FBXW12: variants seen among roughly 807,000 people sequenced by gnomAD.
FBXW12 encodes F-box/WD repeat-containing protein 12.
A neutral mutation model predicts 55.3 loss-of-function variants in FBXW12; 43 were observed. The ratio of observed to expected loss-of-function variants is 0.78; its 90% CI spans 0.61 to 1.00. FBXW12 has a LOEUF of 1.00. Ranked by LOEUF, FBXW12 falls within the 50% of genes least tolerant of loss-of-function variation. The pLI, the probability that FBXW12 is intolerant of heterozygous loss-of-function variation, is 0.00. For missense variants in FBXW12, 524 were observed against 560.5 expected, an observed-to-expected ratio of 0.93 and a Z score of 0.66; for synonymous variants, 184 against 203.8, an observed-to-expected ratio of 0.90 and a Z score of 0.83.
At chr3:48,372,888 A>G in intron 2 of FBXW12, 31 bp downstream of exon 2, 2 of 1,596,658 alleles carry the variant, frequency 1.3e-6, no homozygotes, top group Non-Finnish European at 1.7e-6. Context: ...ACTGCCCCCC[A>G]AGCCCGCTGC....
chr3:48,378,705 G>C (rs1353467662), intron 6 of FBXW12, among the ~76,000 whole-genome samples, 179 bp downstream of exon 6: 1 of 148,384 alleles, frequency 6.7e-6, no homozygotes. Flanking sequence ...ACCTCTGCCT[G>C]CTGGGTTCAA....
chr3:48,372,886 C>T (rs779200743), intron 2 of FBXW12, 29 bp downstream of exon 2: 1 of 1,599,416 alleles, frequency 6.3e-7, no homozygotes, highest in Non-Finnish European at 8.6e-7. Flanking sequence ...CCACTGCCCC[C>T]CAAGCCCGCT....
chr3:48,372,221 C>T lies in FBXW12; in HGVS notation c.-184C>T, dbSNP rs1285975461. On this transcript the variant is annotated 5_prime_UTR_variant, in exon 1 of 11. Coordinates refer to ENST00000296438, the MANE Select transcript of FBXW12 (RefSeq NM_207102.2). Reference sequence around the variant, plus strand: ...TGTGGAGAAGCCAGCTTGGCACGTTCTTTCTCCTCCACTGCAAAGTTAAAT... The same window carrying T: ...TGTGGAGAAGCCAGCTTGGCACGTTTTTTCTCCTCCACTGCAAAGTTAAAT... 5 of 1,539,456 alleles carry T rather than the reference C, an allele frequency of 3.2e-6. No individual in the cohort carries two copies. The highest frequency in any genetic ancestry group is 1.2e-5 in the South Asian group (1 of 83,802).
In FBXW12 at chr3:48,373,316, T is replaced by C; in HGVS notation, c.99T>C (p.Asn33=). The C allele has an allele frequency of 6.2e-7, 1 of 1,614,066 alleles. No individual in the cohort carries two copies. The highest frequency in any genetic ancestry group is 8.5e-7 in the Non-Finnish European group (1 of 1,180,010). Residue 33 remains asparagine, a synonymous_variant, in exon 3 of 11, where the codon AAT becomes AAC. Coordinates refer to ENST00000296438, the MANE Select transcript of FBXW12 (RefSeq NM_207102.2). The part of the protein sequence containing the change: ...LQVSQVNKHW[N]RIADSDYLWR... ...TCCTTTCTCTCCCATAGCATTGGAATAGGATTGCAGACAGTGATTACCTGT... is the reference window on the plus strand; with the variant it reads ...TCCTTTCTCTCCCATAGCATTGGAACAGGATTGCAGACAGTGATTACCTGT...
At position 48,382,042 on chromosome 3, in the gene FBXW12, T is replaced by G. The variant is rs2036784212; in HGVS notation, c.1252T>G (p.Cys418Gly). The change falls in exon 10 of 11, where the codon TGC (cysteine) becomes GGC (glycine). Residue 418 changes from cysteine to glycine, a missense_variant. Physicochemically the swap from Cys to Gly is radical, Grantham distance 159 (BLOSUM62 -3). Coordinates refer to ENST00000296438, the MANE Select transcript of FBXW12 (RefSeq NM_207102.2). Reference protein sequence around the residue: ...EGGRHPYLRSCCHLENTWHDH... With the variant: ...EGGRHPYLRSGCHLENTWHDH... ...AGGCCGCCATCCATACCTCAGGAGCTGCTGTCACCTGGAAAACACGTGGCA... is the reference window on the plus strand; with the variant it reads ...AGGCCGCCATCCATACCTCAGGAGCGGCTGTCACCTGGAAAACACGTGGCA... The G allele has an allele frequency of 6.2e-7, 1 of 1,614,078 alleles. No homozygotes were observed.
intron 1 of FBXW12, 120 bp downstream of exon 1, chr3:48,372,440 C>CA: frequency 7.8e-7 from 1 of 1,287,970 alleles, no homozygotes; most frequent in South Asian, 1.3e-5. Context: ...CTAAAGGGTT[C>CA]TGACAACTTC....
intron 7 of FBXW12, 81 bp downstream of exon 7, chr3:48,379,639 G>A: frequency 8.2e-7 from 1 of 1,217,890 alleles, no homozygotes; most frequent in Non-Finnish European, 1.2e-6. Flanking sequence ...AGAGCTCAGT[G>A]AGGACCAGGC....
At chr3:48,387,835 G>T (rs2036869028) in intron 10 of FBXW12, among the ~76,000 whole-genome samples, 1 of 152,140 alleles carries the variant, frequency 6.6e-6, no homozygotes, top group Non-Finnish European at 1.5e-5. Context: ...AAAGTTCTGG[G>T]ATTACAGGCA....
chr3:48,388,709 T>C (rs1362761105), intron 10 of FBXW12, among the ~76,000 whole-genome samples: 1 of 152,224 alleles, frequency 6.6e-6, no homozygotes, highest in East Asian at 1.9e-4. Flanking sequence ...ATTATGCTAA[T>C]CTGTCTTTTA....
At chr3:48,380,610 G>A in intron 7 of FBXW12, 92 bp from the exon 8 acceptor site, 1 of 917,436 alleles carries the variant, frequency 1.1e-6, no homozygotes, top group Non-Finnish European at 1.8e-6. Context: ...GCCACAAGAT[G>A]AGAATTTCTA....
chr3:48,379,477 A>G lies in FBXW12; in HGVS notation c.693A>G (p.Gln231=). ...LRDVSKVTAF[Q]YGIVLLHCSP... Reference sequence around the variant, plus strand: ...ATGTTTCTAAAGTTACTGCATTTCAATATGGTATTGTACTTCTACACTGCT... The same window carrying G: ...ATGTTTCTAAAGTTACTGCATTTCAGTATGGTATTGTACTTCTACACTGCT... The change falls in exon 7 of 11, where the codon CAA becomes CAG. Residue 231 remains glutamine, a synonymous_variant. Transcript: ENST00000296438. The G allele has an allele frequency of 5.0e-6, 8 of 1,613,964 alleles. No homozygotes were observed. The highest frequency in any genetic ancestry group is 6.8e-6 in the Non-Finnish European group (8 of 1,179,800).
intron 7 of FBXW12, 91 bp from the exon 8 acceptor site, chr3:48,380,611 A>T: frequency 2.2e-6 from 2 of 926,972 alleles, no homozygotes; most frequent in Non-Finnish European, 3.5e-6. Context: ...CCACAAGATG[A>T]GAATTTCTAA....
In FBXW12 at chr3:48,372,239, A is replaced by G. The variant is rs1008033584; in HGVS notation, c.-166A>G. On this transcript the variant is annotated 5_prime_UTR_variant, in exon 1 of 11. Transcript: ENST00000296438. ...GCACGTTCTTTCTCCTCCACTGCAA[A>G]GTTAAATGCGAGAAGGTAGAAACCC... 1.0e-5 allele frequency: 16 copies of G among 1,550,738 alleles called. No homozygotes were observed. The African/African-American group carries it at 2.1e-4, about 20-fold the overall frequency.
chr3:48,381,778 T>A lies in FBXW12; in HGVS notation c.1064T>A (p.Ile355Asn). 1 of 1,612,366 alleles carries A rather than the reference T, an allele frequency of 6.2e-7. No homozygotes were observed. The change falls in exon 9 of 11, where the codon ATT becomes AAT. Residue 355 changes from isoleucine to asparagine, a missense_variant. Ile to Asn is a moderately radical substitution (Grantham distance 149). Transcript: ENST00000296438. The stretch of plus-strand genomic sequence containing the variant: ...ATGGGAGCCAGTGATGGATATATGA[T>A]TGTCTTTACCAGTGGACCATACTTG... ...IWMGASDGYM[I>N]VFTSGPYLLL...
chr3:48,389,634 C>T (rs2036893672), intron 10 of FBXW12, among the ~76,000 whole-genome samples: 2 of 152,166 alleles, frequency 1.3e-5, no homozygotes, highest in African/African-American at 4.8e-5. Context: ...CCTCAGCCTC[C>T]CGAAGTGTTG....
intron 10 of FBXW12, among the ~76,000 whole-genome samples, chr3:48,391,525 T>C (rs2036929093): frequency 6.6e-6 from 1 of 152,082 alleles, no homozygotes; most frequent in Non-Finnish European, 1.5e-5. Context: ...GTCACTACTA[T>C]GTTTACTAGG....
intron 10 of FBXW12, among the ~76,000 whole-genome samples, chr3:48,385,554 T>C (rs1472276521): frequency 6.6e-6 from 1 of 152,202 alleles, no homozygotes; most frequent in African/African-American, 2.4e-5. Flanking sequence ...GTGGGATTGC[T>C]GTATCATATG....
At position 48,392,228 on chromosome 3, in the gene FBXW12, G is replaced by A. The variant is rs139651634; in HGVS notation, c.1296-2332G>A. Among the ~76,000 whole-genome samples the A allele has an allele frequency of 4.3e-3, 647 of 152,190 alleles. 1 individual carries two copies. Among genetic ancestry groups the A allele is most frequent in the African/African-American group, 0.014 (589 of 41,540 alleles). On this transcript the variant is annotated intron_variant, in intron 10 of 10. Transcript: ENST00000296438. ...AGCACTTTGGGAGGCCAAGGCAGGC[G>A]GATCACGAGGTCAGGAGATCGAAAC...
Position 48,373,646 on chromosome 3 carries a change from A to G in FBXW12, c.227A>G (p.Glu76Gly). 2 of 1,614,148 alleles carry G rather than the reference A, an allele frequency of 1.2e-6. No individual in the cohort carries two copies. The highest frequency in any genetic ancestry group is 1.7e-6 in the Non-Finnish European group (2 of 1,180,024). ...TTTTTCCTGCATCAAAGAAGGAAGG[A>G]GCTTCGGTTGGCATTGGCACAGCCG... ...KQFFLHQRRK[E>G]LRLALAQPHN... The change falls in exon 4 of 11, where the codon GAG (glutamate) becomes GGG (glycine). Residue 76 changes from glutamate to glycine, a missense_variant. By Grantham distance (98) the Glu-to-Gly change is moderately conservative. Coordinates refer to ENST00000296438, the MANE Select transcript of FBXW12 (RefSeq NM_207102.2).
Sources: allele counts gnomAD v4.1 joint callset (sites outside exome capture counted in the v4.1 genomes callset), GRCh38; gene constraint gnomAD v4.1.1; transcripts MANE v1.5; gene names NCBI Gene and HGNC (gene_info 2026-07-23, HGNC 2026-07-21).